The following FBXL7 variants were observed in gnomAD, a reference collection of about 807,000 sequenced individuals.
FBXL7 encodes F-box and leucine rich repeat protein 7, also known as F-box/LRR-repeat protein 7.
A neutral mutation model predicts 38.3 loss-of-function variants in FBXL7; 12 were observed. The ratio of observed to expected loss-of-function variants is 0.31; its 90% CI spans 0.20 to 0.51. The LOEUF (loss-of-function observed/expected upper bound fraction) is 0.51, where lower values mean the gene tolerates loss of function less well. Ranked by LOEUF, FBXL7 falls within the 20% of genes least tolerant of loss-of-function variation. The pLI is 0.98. For synonymous variants in FBXL7, 297 were observed against 300.9 expected (o/e 0.99, Z 0.13); for missense variants, 567 against 676.4 (o/e 0.84, Z 1.79).
intron 2 of FBXL7, among the ~76,000 whole-genome samples, chr5:15,711,002 C>T (rs902500676): frequency 9.2e-5 from 14 of 152,096 alleles, no homozygotes; most frequent in African/African-American, 3.4e-4. Context: ...AAATGCTGTT[C>T]TCTTGATAAG....
chr5:15,592,744 A>G (rs1340483232), intron 1 of FBXL7, among the ~76,000 whole-genome samples: 1 of 152,200 alleles, frequency 6.6e-6, no homozygotes, highest in African/African-American at 2.4e-5. Context: ...ATAAATTTAA[A>G]ATGGAAAATT....
Position 15,859,588 on chromosome 5 carries a change from C to T in FBXL7, c.128-68302C>T, listed in dbSNP as rs565910098. ...AGGAGCAAAGTCATGTCTCGCATGG[C>T]GGCAGACAAGAGAGTGTGTGCAGAG... On this transcript the variant is annotated intron_variant, in intron 2 of 3. Transcript: ENST00000504595. Among the ~76,000 whole-genome samples the T allele has an allele frequency of 1.6e-4, 24 of 152,172 alleles. No homozygotes were observed. In the East Asian group the frequency reaches 2.1e-3, roughly 14 times the overall value.
intron 2 of FBXL7, among the ~76,000 whole-genome samples, chr5:15,731,411 C>T (rs1735580437): frequency 6.6e-6 from 1 of 152,078 alleles, no homozygotes; most frequent in African/African-American, 2.4e-5. Context: ...CTCCTGAGAC[C>T]CATTCACTAT....
chr5:15,877,965 C>T (rs1561168512), intron 2 of FBXL7, among the ~76,000 whole-genome samples: 1 of 152,272 alleles, frequency 6.6e-6, no homozygotes, highest in East Asian at 1.9e-4. Context: ...TCTAGCCTTA[C>T]CAGACTTTCA....
At chr5:15,723,953 C>T (rs924165422) in intron 2 of FBXL7, among the ~76,000 whole-genome samples, 5 of 152,160 alleles carry the variant, frequency 3.3e-5, no homozygotes, top group African/African-American at 1.2e-4. Flanking sequence ...CTTTAAACTT[C>T]AGCTTCATAT....
At chr5:15,785,312 T>G (rs1579460384) in intron 2 of FBXL7, among the ~76,000 whole-genome samples, 1 of 152,288 alleles carries the variant, frequency 6.6e-6, no homozygotes, top group East Asian at 1.9e-4. Context: ...TGTAGAGGTT[T>G]CAGGGGCACT....
chr5:15,778,494 G>A (rs1736915336), intron 2 of FBXL7, among the ~76,000 whole-genome samples: 2 of 152,080 alleles, frequency 1.3e-5, no homozygotes, highest in African/African-American at 4.8e-5. Flanking sequence ...AGACTAATTA[G>A]TTAAGAATAT....
chr5:15,861,576 T>C (rs79147761), intron 2 of FBXL7, among the ~76,000 whole-genome samples: 2,034 of 152,260 alleles, frequency 0.013, 29 homozygotes, highest in East Asian at 0.075. Flanking sequence ...GGAGCAGACC[T>C]TATTACCCAT....
intron 2 of FBXL7, among the ~76,000 whole-genome samples, chr5:15,685,982 G>C (rs1269854812): frequency 6.6e-6 from 1 of 152,110 alleles, no homozygotes; most frequent in East Asian, 1.9e-4. Context: ...AACAGTCCCG[G>C]GGGGAGACAA....
At chr5:15,792,909 C>G (rs1737314203) in intron 2 of FBXL7, among the ~76,000 whole-genome samples, 1 of 152,188 alleles carries the variant, frequency 6.6e-6, no homozygotes, top group Admixed American at 6.5e-5. Flanking sequence ...CACCTGTAGT[C>G]TAGCTGGATG....
intron 2 of FBXL7, among the ~76,000 whole-genome samples, chr5:15,802,883 C>A (rs972021046): frequency 6.6e-6 from 1 of 152,170 alleles, no homozygotes; most frequent in African/African-American, 2.4e-5. Context: ...AAACTCCCAA[C>A]CTCAGGTGAT....
At chr5:15,618,309 G>C (rs898190311) in intron 2 of FBXL7, among the ~76,000 whole-genome samples, 1 of 152,188 alleles carries the variant, frequency 6.6e-6, no homozygotes, top group African/African-American at 2.4e-5. Context: ...TTAAGTAGAA[G>C]AGGCTTGTCC....
At chr5:15,778,656 C>T (rs981720774) in intron 2 of FBXL7, among the ~76,000 whole-genome samples, 3 of 152,086 alleles carry the variant, frequency 2.0e-5, no homozygotes, top group African/African-American at 7.2e-5. Context: ...CCAAGCAGCT[C>T]ATTTCATCAC....
intron 2 of FBXL7, among the ~76,000 whole-genome samples, chr5:15,640,020 G>A (rs1741307624): frequency 6.6e-6 from 1 of 152,114 alleles, no homozygotes; most frequent in Non-Finnish European, 1.5e-5. Context: ...TTTTTCCTTG[G>A]ATTGCATTTC....
At chr5:15,768,602 C>G (rs979696447) in intron 2 of FBXL7, among the ~76,000 whole-genome samples, 3 of 151,808 alleles carry the variant, frequency 2.0e-5, no homozygotes, top group Admixed American at 6.6e-5. Flanking sequence ...AAATTTAGTA[C>G]AGAACCACCA....
chr5:15,645,710 T>G (rs1741509327), intron 2 of FBXL7, among the ~76,000 whole-genome samples: 1 of 152,244 alleles, frequency 6.6e-6, no homozygotes, highest in Admixed American at 6.5e-5. Context: ...GAAAGCTATT[T>G]CATGATTTCT....
intron 2 of FBXL7, among the ~76,000 whole-genome samples, chr5:15,915,821 G>T (rs1438901045): frequency 6.6e-6 from 1 of 152,164 alleles, no homozygotes; most frequent in Non-Finnish European, 1.5e-5. Context: ...CTCAGTTAAC[G>T]AGTTGTTGAA....
At chr5:15,814,090 G>T (rs2126756350) in intron 2 of FBXL7, among the ~76,000 whole-genome samples, 1 of 152,234 alleles carries the variant, frequency 6.6e-6, no homozygotes, top group South Asian at 2.1e-4. Context: ...TATACCCAAA[G>T]TATTGTAAAT....
intron 2 of FBXL7, among the ~76,000 whole-genome samples, chr5:15,670,989 C>T (rs1742453219): frequency 6.6e-6 from 1 of 152,120 alleles, no homozygotes; most frequent in East Asian, 1.9e-4. Context: ...GTTGCTTTGC[C>T]TTCTCCTTTA....
Sources: allele counts gnomAD v4.1 joint callset (sites outside exome capture counted in the v4.1 genomes callset), GRCh38; gene constraint gnomAD v4.1.1; transcripts MANE v1.5; gene names NCBI Gene and HGNC (gene_info 2026-07-23, HGNC 2026-07-21).